TBC1D22A: variants seen among roughly 807,000 people sequenced by gnomAD.
The protein encoded by TBC1D22A is TBC1 domain family member 22A.
Under a neutral mutation model 60.2 loss-of-function variants are expected in TBC1D22A, and 38 were observed. The observed-to-expected ratio is 0.63, with a 90% CI of 0.49 to 0.83. The LOEUF (loss-of-function observed/expected upper bound fraction) is 0.83, where lower values mean the gene tolerates loss of function less well. TBC1D22A is among the 40% of genes least tolerant of loss of function. The probability of loss-of-function intolerance (pLI) is 0.00; values close to 1 mark genes in which losing one functional copy is unlikely to be tolerated. For synonymous variants in TBC1D22A, 302 were observed against 281.7 expected, an observed-to-expected ratio of 1.07 and a Z score of -0.72; for missense variants, 628 against 701.0, an observed-to-expected ratio of 0.90 and a Z score of 1.18.
intron 11 of TBC1D22A, among the ~76,000 whole-genome samples, chr22:47,050,424 A>G (rs1603173985): frequency 1.3e-5 from 2 of 152,208 alleles, no homozygotes; most frequent in African/African-American, 2.4e-5. Context: ...CATGGCTGCT[A>G]TTTAATTCCA....
intron 5 of TBC1D22A, among the ~76,000 whole-genome samples, chr22:46,885,254 G>A (rs559731840): frequency 3.1e-4 from 47 of 152,242 alleles, no homozygotes; most frequent in Admixed American, 1.8e-3. Flanking sequence ...CCAGGTCTTC[G>A]GTGACTTGGG....
At chr22:46,939,135 A>G (rs2071836349) in intron 8 of TBC1D22A, among the ~76,000 whole-genome samples, 1 of 151,458 alleles carries the variant, frequency 6.6e-6, no homozygotes, top group South Asian at 2.1e-4. Flanking sequence ...TTTATTTTTC[A>G]CTTGTAATAG....
At chr22:47,166,942 G>A (rs1456711046) in intron 12 of TBC1D22A, among the ~76,000 whole-genome samples, 1 of 152,256 alleles carries the variant, frequency 6.6e-6, no homozygotes, top group African/African-American at 2.4e-5. Context: ...TCCAGCACCA[G>A]GCGGGGCACT....
chr22:46,891,070 T>C (rs1177145428), intron 5 of TBC1D22A, among the ~76,000 whole-genome samples, 196 bp from the exon 6 acceptor site: 1 of 151,252 alleles, frequency 6.6e-6, no homozygotes, highest in African/African-American at 2.5e-5. Flanking sequence ...CTGTCGGGAG[T>C]GGTGCTTGCA....
chr22:47,061,964 A>T (rs9941946), intron 11 of TBC1D22A, among the ~76,000 whole-genome samples: 3 of 151,444 alleles, frequency 2.0e-5, no homozygotes, highest in East Asian at 1.9e-4. Context: ...GGTGCATGCC[A>T]GTGATCCCAG....
At chr22:46,806,343 T>TTG (rs2085136949) in intron 4 of TBC1D22A, among the ~76,000 whole-genome samples, 1 of 145,952 alleles carries the variant, frequency 6.9e-6, no homozygotes, top group Admixed American at 6.8e-5. Flanking sequence ...CTGTTCTGAT[T>TTG]TTTTTTTTTT....
intron 4 of TBC1D22A, among the ~76,000 whole-genome samples, chr22:46,825,283 AC>A (rs537143257): frequency 2.1e-3 from 324 of 151,502 alleles, no homozygotes; most frequent in African/African-American, 7.4e-3. Context: ...GGGGGTCTGA[AC>A]CCCGCCGTGC....
intron 7 of TBC1D22A, among the ~76,000 whole-genome samples, chr22:46,907,576 C>T (rs986096572): frequency 8.5e-5 from 13 of 152,210 alleles, no homozygotes; most frequent in African/African-American, 2.9e-4. Context: ...GGAGCAGCTG[C>T]GCCATCCTCG....
chr22:46,916,607 T>C (rs553613225), intron 8 of TBC1D22A, among the ~76,000 whole-genome samples: 1 of 152,354 alleles, frequency 6.6e-6, no homozygotes, highest in South Asian at 2.1e-4. Context: ...TCCTCACTAG[T>C]GCTAGCCTCA....
At chr22:46,845,219 C>A (rs951319979) in intron 4 of TBC1D22A, among the ~76,000 whole-genome samples, 2 of 152,216 alleles carry the variant, frequency 1.3e-5, no homozygotes, top group East Asian at 3.9e-4. Flanking sequence ...ACTTTCTCTC[C>A]TCTTAGCTGA....
At chr22:46,811,915 A>G (rs1357201330) in intron 4 of TBC1D22A, among the ~76,000 whole-genome samples, 2 of 152,126 alleles carry the variant, frequency 1.3e-5, no homozygotes, top group Admixed American at 6.5e-5. Context: ...TCCCGTGCTC[A>G]GATCCTGCCT....
intron 4 of TBC1D22A, among the ~76,000 whole-genome samples, chr22:46,827,104 C>T (rs753455273): frequency 3.3e-5 from 5 of 152,178 alleles, no homozygotes; most frequent in Admixed American, 6.5e-5. Context: ...ATTATCTTCA[C>T]GACCTATTTA....
intron 11 of TBC1D22A, among the ~76,000 whole-genome samples, chr22:47,056,820 G>A (rs1603199989): frequency 6.6e-6 from 1 of 152,192 alleles, no homozygotes; most frequent in Admixed American, 6.5e-5. Context: ...TAGGGTGGTG[G>A]TCTTCAGAGT....
At chr22:47,072,932 C>A (rs1036845806) in intron 11 of TBC1D22A, among the ~76,000 whole-genome samples, 1 of 152,194 alleles carries the variant, frequency 6.6e-6, no homozygotes, top group African/African-American at 2.4e-5. Context: ...GCCCCACACT[C>A]CTATATGAAG....
chr22:46,902,314 TTGAG>T (rs1429586090), intron 7 of TBC1D22A, among the ~76,000 whole-genome samples: 9 of 152,270 alleles, frequency 5.9e-5, no homozygotes, highest in Admixed American at 5.9e-4. Context: ...TTTATTATTG[TTGAG>T]TATTAACTGA....
At chr22:46,839,672 A>G (rs952617088) in intron 4 of TBC1D22A, among the ~76,000 whole-genome samples, 8 of 152,226 alleles carry the variant, frequency 5.3e-5, no homozygotes, top group African/African-American at 1.9e-4. Context: ...AGCCGGAGCC[A>G]CCCCACTTAT....
intron 10 of TBC1D22A, among the ~76,000 whole-genome samples, chr22:47,025,849 G>T (rs1182462516): frequency 6.6e-6 from 1 of 151,950 alleles, no homozygotes; most frequent in East Asian, 1.9e-4. Context: ...GAGGGAATTG[G>T]ATAGTACCGA....
chr22:47,052,383 G>C (rs1275539936), intron 11 of TBC1D22A, among the ~76,000 whole-genome samples: 1 of 152,186 alleles, frequency 6.6e-6, no homozygotes, highest in Non-Finnish European at 1.5e-5. Context: ...GGCGAGCCTG[G>C]GGATGCCTGG....
intron 4 of TBC1D22A, among the ~76,000 whole-genome samples, chr22:46,839,863 A>C (rs2086677093): frequency 6.6e-6 from 1 of 152,264 alleles, no homozygotes; most frequent in Admixed American, 6.5e-5. Flanking sequence ...TAGTCTTTTC[A>C]ATAAGTTTGT....
Sources: allele counts gnomAD v4.1 joint callset (sites outside exome capture counted in the v4.1 genomes callset), GRCh38; gene constraint gnomAD v4.1.1; transcripts MANE v1.5; gene names NCBI Gene and HGNC (gene_info 2026-07-23, HGNC 2026-07-21).